SPIDR: variants seen among roughly 807,000 people sequenced by gnomAD.
The protein encoded by SPIDR is scaffold protein involved in DNA repair, also known as DNA repair-scaffolding protein.
Under a neutral mutation model 104.6 loss-of-function variants are expected in SPIDR, and 93 were observed. That is an observed-to-expected ratio of 0.89 (90% CI 0.75 to 1.06). The LOEUF is 1.06. SPIDR is among the 50% of genes least tolerant of loss of function. The probability of loss-of-function intolerance (pLI) is 0.00; values close to 1 mark genes in which losing one functional copy is unlikely to be tolerated. For missense variants in SPIDR, 1,154 were observed against 1,111.2 expected (o/e 1.04, Z -0.55); for synonymous variants, 431 against 416.9 (o/e 1.03, Z -0.41).
intron 5 of SPIDR, among the ~76,000 whole-genome samples, chr8:47,321,583 G>T (rs1441871190): frequency 6.6e-6 from 1 of 152,098 alleles, no homozygotes; most frequent in Admixed American, 6.6e-5. Context: ...GCACAGAATT[G>T]GAAAAAACTA....
chr8:47,275,954 T>C (rs2036343293), intron 1 of SPIDR, among the ~76,000 whole-genome samples: 1 of 152,222 alleles, frequency 6.6e-6, no homozygotes, highest in Non-Finnish European at 1.5e-5. Flanking sequence ...TCTCCTGTGC[T>C]CAAGCAATCC....
intron 8 of SPIDR, among the ~76,000 whole-genome samples, chr8:47,498,942 T>C (rs984055745): frequency 6.6e-6 from 1 of 152,222 alleles, no homozygotes; most frequent in East Asian, 1.9e-4. Context: ...TATGTACCTA[T>C]TTTGCTCATT....
chr8:47,353,708 A>AT lies in SPIDR; in HGVS notation c.526-42652dup, dbSNP rs10712418. On this transcript the variant is annotated intron_variant, in intron 5 of 19. Coordinates refer to ENST00000297423, the MANE Select transcript of SPIDR (RefSeq NM_001080394.4). Reference sequence around the variant, plus strand: ...AAAATTGATTTAAATCTATACTGAGATTTTTTTTTTTTTTTTAGTGTGGAT... The same window carrying AT: ...AAAATTGATTTAAATCTATACTGAGATTTTTTTTTTTTTTTTTAGTGTGGAT... Among the ~76,000 whole-genome samples the AT allele has an allele frequency of 2.0e-3, 286 of 145,464 alleles. 1 individual carries two copies. The highest frequency in any genetic ancestry group is 0.016 in the South Asian group (75 of 4,568).
At chr8:47,472,063 C>T (rs1266817432) in intron 8 of SPIDR, among the ~76,000 whole-genome samples, 1 of 152,182 alleles carries the variant, frequency 6.6e-6, no homozygotes, top group Non-Finnish European at 1.5e-5. Context: ...TTGCCCAATT[C>T]CTGAATCTCC....
At chr8:47,688,545 A>G (rs777415451) in intron 11 of SPIDR, 6 of 152,238 alleles carry the variant, frequency 3.9e-5, no homozygotes, top group Non-Finnish European at 7.3e-5. Flanking sequence ...TAAACCTTGT[A>G]AGTTTCTTCT....
At chr8:47,344,240 T>G (rs2051394185) in intron 5 of SPIDR, among the ~76,000 whole-genome samples, 1 of 152,016 alleles carries the variant, frequency 6.6e-6, no homozygotes, top group African/African-American at 2.4e-5. Context: ...GTCCTTGCGA[T>G]AGTTTGTTCA....
intron 5 of SPIDR, among the ~76,000 whole-genome samples, chr8:47,324,001 A>G (rs1225811964): frequency 6.6e-6 from 1 of 152,182 alleles, no homozygotes. Context: ...AGTTAATACT[A>G]TAACCTTTAC....
intron 8 of SPIDR, among the ~76,000 whole-genome samples, chr8:47,472,527 A>G (rs1198530469): frequency 2.6e-5 from 4 of 152,250 alleles, no homozygotes; most frequent in Non-Finnish European, 4.4e-5. Context: ...TCAAGGGTCA[A>G]GTAAAACACT....
intron 10 of SPIDR, among the ~76,000 whole-genome samples, chr8:47,661,875 T>A (rs2074170116): frequency 1.3e-5 from 2 of 152,236 alleles, no homozygotes; most frequent in South Asian, 4.1e-4. Context: ...GGGATCCCAA[T>A]GCTTCTGCCC....
At chr8:47,391,995 CAAAAAAA>C (rs556134389) in intron 5 of SPIDR, among the ~76,000 whole-genome samples, 5 of 46,492 alleles carry the variant, frequency 1.1e-4, no homozygotes, top group Admixed American at 2.4e-4. Context: ...GACTCCGTCT[CAAAAAAA>C]AAAAAAAAAA....
intron 10 of SPIDR, among the ~76,000 whole-genome samples, chr8:47,605,736 T>G (rs1452979626): frequency 6.6e-6 from 1 of 152,128 alleles, no homozygotes; most frequent in Non-Finnish European, 1.5e-5. Context: ...ATGATGTATG[T>G]GAAGTACTCA....
At chr8:47,372,921 C>T (rs1411554784) in intron 5 of SPIDR, among the ~76,000 whole-genome samples, 1 of 152,138 alleles carries the variant, frequency 6.6e-6, no homozygotes, top group Non-Finnish European at 1.5e-5. Flanking sequence ...ACACCCCTAA[C>T]AGAACACTAT....
intron 11 of SPIDR, among the ~76,000 whole-genome samples, chr8:47,698,179 C>G (rs528639864): frequency 6.6e-6 from 1 of 152,056 alleles, no homozygotes; most frequent in Non-Finnish European, 1.5e-5. Context: ...GTTTATTAAT[C>G]TTTGAAAAGA....
intron 7 of SPIDR, among the ~76,000 whole-genome samples, chr8:47,439,619 T>G (rs1554694930): frequency 6.6e-6 from 1 of 152,216 alleles, no homozygotes; most frequent in African/African-American, 2.4e-5. Flanking sequence ...CTAAGATTTC[T>G]GGGGTATAGG....
chr8:47,469,655 G>A (rs528671162), intron 8 of SPIDR, among the ~76,000 whole-genome samples: 1 of 152,224 alleles, frequency 6.6e-6, no homozygotes, highest in Non-Finnish European at 1.5e-5. Flanking sequence ...TCACTTATAA[G>A]TGGGCACTAA....
chr8:47,418,526 C>T lies in SPIDR; in HGVS notation c.877+10565C>T, dbSNP rs563226777. Among the ~76,000 whole-genome samples the T allele has an allele frequency of 4.8e-3, 724 of 152,280 alleles. 5 individuals are homozygous for T. The highest frequency in any genetic ancestry group is 0.016 in the African/African-American group (685 of 41,554). The stretch of plus-strand genomic sequence containing the variant: ...AGCTTAAGGAGATTTTGGGCTGAGA[C>T]GATGGGTTTTTCTAGATATACAATC... On this transcript the variant is annotated intron_variant, in intron 7 of 19. Transcript: ENST00000297423.
In SPIDR at chr8:47,275,270, A is replaced by G. The variant is rs545506854; in HGVS notation, c.34-4592A>G. Among the ~76,000 whole-genome samples, 5 of 152,018 alleles carry G rather than the reference A, an allele frequency of 3.3e-5. No individual in the cohort carries two copies. The South Asian group carries it at 8.3e-4, about 25-fold the overall frequency. ...CGAGACTCAGTCTCAAAAAAAAAAG[A>G]AAAAAGAAAATATCCCCCATAAATC... On this transcript the variant is annotated intron_variant, in intron 1 of 19. Transcript: ENST00000297423.
chr8:47,592,627 C>T lies in SPIDR; in HGVS notation c.1098-3184C>T, dbSNP rs1564419897. 6.3e-6 allele frequency: 7 copies of T among 1,118,618 alleles called. No homozygotes were observed. In the East Asian group the frequency reaches 7.1e-5, roughly 11 times the overall value. 69.3% of individuals were successfully genotyped at this position (1,118,618 alleles called of 1,614,324 possible). ...CTGCCATCTTATCAGAACCCGAGTTCGGCCTCTGGTCTAGTCTCCGGCTCC... is the reference window on the plus strand; with the variant it reads ...CTGCCATCTTATCAGAACCCGAGTTTGGCCTCTGGTCTAGTCTCCGGCTCC... On this transcript the variant is annotated intron_variant, in intron 8 of 19. Coordinates refer to ENST00000297423, the MANE Select transcript of SPIDR (RefSeq NM_001080394.4).
At chr8:47,376,288 A>G (rs895849064) in intron 5 of SPIDR, among the ~76,000 whole-genome samples, 31 of 152,162 alleles carry the variant, frequency 2.0e-4, no homozygotes, top group African/African-American at 7.2e-4. Flanking sequence ...ATTGCTTGCA[A>G]GGAAACAGGG....
Sources: allele counts gnomAD v4.1 joint callset (sites outside exome capture counted in the v4.1 genomes callset), GRCh38; gene constraint gnomAD v4.1.1; transcripts MANE v1.5; gene names NCBI Gene and HGNC (gene_info 2026-07-23, HGNC 2026-07-21).